CNTNAP2: variants seen among roughly 807,000 people sequenced by gnomAD.
CNTNAP2 encodes the protein contactin associated protein 2.
Under a neutral mutation model 155.2 loss-of-function variants are expected in CNTNAP2, and 98 were observed. That is an observed-to-expected ratio of 0.63 (90% CI 0.54 to 0.75). The LOEUF is 0.75. CNTNAP2 is among the 30% of genes least tolerant of loss of function. The pLI is 0.00. For missense variants in CNTNAP2, 1,727 were observed against 1,688.1 expected (o/e 1.02, Z -0.40); for synonymous variants, 651 against 631.2 (o/e 1.03, Z -0.47).
chr7:147,230,519 G>A (rs1468503579), intron 8 of CNTNAP2, among the ~76,000 whole-genome samples: 1 of 152,162 alleles, frequency 6.6e-6, no homozygotes, highest in Non-Finnish European at 1.5e-5. Context: ...AAAGAGCTGG[G>A]ATTGCAGGCA....
Position 147,777,796 on chromosome 7 carries a change from C to A in CNTNAP2, c.2099-125769C>A, listed in dbSNP as rs553841338. On this transcript the variant is annotated intron_variant, in intron 13 of 23. Coordinates refer to ENST00000361727, the MANE Select transcript of CNTNAP2 (RefSeq NM_014141.6). ...ATCTGCAAATAACCAATCTTTTTCT[C>A]ATAGCTATAATTATGCATTGGCATT... Among the ~76,000 whole-genome samples the A allele has an allele frequency of 3.9e-5, 6 of 152,312 alleles. No individual in the cohort carries two copies. The East Asian group carries it at 1.2e-3, about 29-fold the overall frequency.
chr7:147,121,192 A>G, intron 6 of CNTNAP2, 29 bp downstream of exon 6: 2 of 1,607,352 alleles, frequency 1.2e-6, no homozygotes, highest in Non-Finnish European at 1.7e-6. Context: ...AAATTGTAAT[A>G]AAATGTCAAG....
chr7:147,172,985 A>G (rs1197999225), intron 8 of CNTNAP2, among the ~76,000 whole-genome samples: 1 of 152,194 alleles, frequency 6.6e-6, no homozygotes, highest in Non-Finnish European at 1.5e-5. Flanking sequence ...GAAAGAATAC[A>G]TATTGATTGT....
At chr7:146,956,594 G>C (rs533420672) in intron 3 of CNTNAP2, among the ~76,000 whole-genome samples, 1 of 152,238 alleles carries the variant, frequency 6.6e-6, no homozygotes, top group South Asian at 2.1e-4. Context: ...AAGAGTGTGA[G>C]ATCAGAAAAC....
intron 1 of CNTNAP2, among the ~76,000 whole-genome samples, 170 bp from the exon 2 acceptor site, chr7:146,774,101 T>G (rs1315896876): frequency 6.6e-6 from 1 of 152,226 alleles, no homozygotes; most frequent in East Asian, 1.9e-4. Context: ...ACAGCTCCTG[T>G]GTTATATTAT....
chr7:148,318,432 CAA>C (rs1797730713), intron 21 of CNTNAP2, among the ~76,000 whole-genome samples: 1 of 151,996 alleles, frequency 6.6e-6, no homozygotes, highest in Non-Finnish European at 1.5e-5. Flanking sequence ...AGGCAGTAAA[CAA>C]GAGGAAGGGA....
chr7:147,123,034 G>A (rs1801153031), intron 6 of CNTNAP2: 1 of 151,888 alleles, frequency 6.6e-6, no homozygotes, highest in African/African-American at 2.4e-5. Flanking sequence ...AAAAAATTTA[G>A]AGTAGAATAT....
chr7:146,604,883 A>G (rs1799016960), intron 1 of CNTNAP2, among the ~76,000 whole-genome samples: 2 of 135,658 alleles, frequency 1.5e-5, no homozygotes, highest in Non-Finnish European at 1.6e-5. Context: ...ATGAGATCAC[A>G]TGGACACAGG....
intron 1 of CNTNAP2, among the ~76,000 whole-genome samples, chr7:146,585,031 A>G (rs903286769): frequency 1.8e-4 from 27 of 152,216 alleles, no homozygotes; most frequent in Non-Finnish European, 2.9e-5. Flanking sequence ...ATCTGAGCCA[A>G]TTCAGTTCAT....
At chr7:148,151,070 T>C (rs1488155299) in intron 17 of CNTNAP2, among the ~76,000 whole-genome samples, 1 of 152,134 alleles carries the variant, frequency 6.6e-6, no homozygotes, top group Non-Finnish European at 1.5e-5. Flanking sequence ...GATTGAACAA[T>C]ACCAGGGTTG....
intron 15 of CNTNAP2, among the ~76,000 whole-genome samples, chr7:148,012,665 G>A (rs1215665469): frequency 2.6e-5 from 4 of 152,150 alleles, no homozygotes; most frequent in Non-Finnish European, 4.4e-5. Flanking sequence ...CTAGTAAAAT[G>A]TGTCACACGC....
intron 9 of CNTNAP2, among the ~76,000 whole-genome samples, chr7:147,303,797 A>G (rs975198782): frequency 7.9e-5 from 12 of 152,314 alleles, no homozygotes; most frequent in East Asian, 1.9e-4. Flanking sequence ...TGACTTTCCA[A>G]TGCATCTTGA....
intron 15 of CNTNAP2, among the ~76,000 whole-genome samples, chr7:148,045,697 G>T (rs977905595): frequency 6.6e-6 from 1 of 152,202 alleles, no homozygotes; most frequent in Non-Finnish European, 1.5e-5. Flanking sequence ...TGAGCGTCTA[G>T]CTTATTTGAG....
At chr7:146,748,361 G>A (rs979941742) in intron 1 of CNTNAP2, among the ~76,000 whole-genome samples, 3 of 151,878 alleles carry the variant, frequency 2.0e-5, no homozygotes, top group Non-Finnish European at 4.4e-5. Flanking sequence ...TAGCCAGGAT[G>A]GTCTGGATCT....
chr7:147,007,630 C>T (rs1798548268), intron 3 of CNTNAP2, among the ~76,000 whole-genome samples: 1 of 150,834 alleles, frequency 6.6e-6, no homozygotes, highest in Non-Finnish European at 1.5e-5. Context: ...AAGAAAAAAG[C>T]CACCTTTTTT....
At chr7:147,425,696 C>T (rs872713) in intron 10 of CNTNAP2, among the ~76,000 whole-genome samples, 1 of 151,882 alleles carries the variant, frequency 6.6e-6, no homozygotes, top group African/African-American at 2.4e-5. Flanking sequence ...CTGAATCCTT[C>T]GTCCATATAC....
At chr7:147,106,422 G>A (rs1157857028) in intron 4 of CNTNAP2, among the ~76,000 whole-genome samples, 1 of 152,046 alleles carries the variant, frequency 6.6e-6, no homozygotes, top group East Asian at 1.9e-4. Context: ...TGCAGTGTTA[G>A]CAGAAGCCAA....
At chr7:147,135,844 C>T (rs1291392023) in intron 8 of CNTNAP2, among the ~76,000 whole-genome samples, 1 of 149,146 alleles carries the variant, frequency 6.7e-6, no homozygotes, top group Admixed American at 6.7e-5. Flanking sequence ...GTTTGGAAAA[C>T]ACCGACCTGA....
chr7:148,024,980 A>G (rs534101543), intron 15 of CNTNAP2, among the ~76,000 whole-genome samples: 7 of 152,342 alleles, frequency 4.6e-5, no homozygotes, highest in Middle Eastern at 6.8e-3. Flanking sequence ...CTCACAAGCT[A>G]GCTGACTTTG....
Sources: allele counts gnomAD v4.1 joint callset (sites outside exome capture counted in the v4.1 genomes callset), GRCh38; gene constraint gnomAD v4.1.1; transcripts MANE v1.5; gene names NCBI Gene and HGNC (gene_info 2026-07-23, HGNC 2026-07-21).